CCDC73: variants seen among roughly 807,000 people sequenced by gnomAD.
The protein encoded by CCDC73 is coiled-coil domain-containing protein 73.
Under a neutral mutation model 116.5 loss-of-function variants are expected in CCDC73, and 95 were observed. The ratio of observed to expected loss-of-function variants is 0.82; its 90% CI spans 0.69 to 0.97. CCDC73 has a LOEUF of 0.97. Among genes scored for constraint, CCDC73 ranks in the 50% least tolerant of loss-of-function variants. The pLI is 0.00. For missense variants in CCDC73, 1,066 were observed against 1,206.8 expected (o/e 0.88, Z 1.73); for synonymous variants, 398 against 401.3 (o/e 0.99, Z 0.10).
At position 32,698,010 on chromosome 11, in the gene CCDC73, A is replaced by ATTTTTTTTTTTT. The variant is rs1849771437; in HGVS notation, c.390+1240_390+1241insAAAAAAAAAAAA. 3.4e-5 allele frequency among the ~76,000 whole-genome samples: 4 copies of ATTTTTTTTTTTT among 117,758 alleles called. 2 individuals carry two copies. Among genetic ancestry groups the ATTTTTTTTTTTT allele is most frequent in the African/African-American group, 6.7e-5 (2 of 29,924 alleles). The allele number at this position is 117,758 out of a possible 152,430, so 77.3% of individuals were successfully genotyped here. A position where few individuals can be genotyped will look rare whatever the true frequency, so the allele number is the denominator to read the frequency against. ...TCTGTTGTTTCTTTGTCTAACACTG[A>ATTTTTTTTTTTT]ATTTTTTTTTTTTTTTTTTTTTTTT... is the stretch of plus-strand genomic sequence containing the variant. On this transcript the variant is annotated intron_variant, in intron 6 of 17. Coordinates refer to ENST00000335185, the MANE Select transcript of CCDC73 (RefSeq NM_001008391.4).
At chr11:32,700,894 G>C (rs1041568990) in intron 4 of CCDC73, 68 bp from the exon 5 acceptor site, 4 of 636,374 alleles carry the variant, frequency 6.3e-6, no homozygotes, top group African/African-American at 5.7e-5. Context: ...TGGTCACTGA[G>C]ACTAAAGAAA....
chr11:32,676,962 G>A (rs1181496028), intron 7 of CCDC73, among the ~76,000 whole-genome samples: 2 of 152,176 alleles, frequency 1.3e-5, no homozygotes, highest in Non-Finnish European at 2.9e-5. Context: ...CCATACCTGC[G>A]ATATGACTTT....
Position 32,614,093 on chromosome 11 carries a change from C to T in CCDC73, c.2225G>A (p.Ser742Asn). 6.2e-7 allele frequency: 1 copy of T among 1,613,490 alleles called. No homozygotes were observed. Among genetic ancestry groups the T allele is most frequent in the Non-Finnish European group, 8.5e-7 (1 of 1,179,888 alleles). ...TTTACACATAGTTTTTCCCCCAGGG[C>T]TTGAGTTAGGTTTCACCAACATAGA... The part of the protein sequence containing the change: ...SMSMLVKPNS[S>N]PGGKTMCKNM... Residue 742 changes from serine (S) to asparagine (N), a missense_variant, in exon 16 of 18, where the codon AGC becomes AAC. Coordinates refer to ENST00000335185, the MANE Select transcript of CCDC73 (RefSeq NM_001008391.4).
intron 4 of CCDC73, among the ~76,000 whole-genome samples, chr11:32,701,363 A>G (rs1849808979): frequency 6.6e-6 from 1 of 152,022 alleles, no homozygotes; most frequent in Non-Finnish European, 1.5e-5. Flanking sequence ...AATTTTTTTA[A>G]CTCATGTGCA....
intron 14 of CCDC73, among the ~76,000 whole-genome samples, chr11:32,633,195 C>G (rs1855647395): frequency 6.6e-6 from 1 of 152,122 alleles, no homozygotes; most frequent in African/African-American, 2.4e-5. Context: ...GCCACTGCAC[C>G]TGGCCCAAAA....
the CCDC73 span, among the ~76,000 whole-genome samples, chr11:32,809,918 G>A: frequency 6.6e-6 from 1 of 152,128 alleles, no homozygotes; most frequent in Non-Finnish European, 1.5e-5. Context: ...ATTTTAATTA[G>A]GGAAATTATA....
intron 1 of CCDC73, among the ~76,000 whole-genome samples, chr11:32,764,006 G>A (rs986076581): frequency 6.6e-6 from 1 of 152,102 alleles, no homozygotes; most frequent in African/African-American, 2.4e-5. Context: ...TGAAACAAAG[G>A]GTATCAGTGA....
chr11:32,707,844 T>C (rs1190844344), intron 3 of CCDC73, among the ~76,000 whole-genome samples: 1 of 152,154 alleles, frequency 6.6e-6, no homozygotes, highest in Non-Finnish European at 1.5e-5. Context: ...AGACAACAGG[T>C]TCCAAACATT....
chr11:32,699,103 G>C, intron 6 of CCDC73, 148 bp downstream of exon 6: 2 of 845,202 alleles, frequency 2.4e-6, no homozygotes, highest in Non-Finnish European at 3.0e-6. Context: ...TTTAAAACAA[G>C]GCTCTCAGGA....
At chr11:32,724,401 G>T (rs555987307) in intron 2 of CCDC73, among the ~76,000 whole-genome samples, 2 of 152,112 alleles carry the variant, frequency 1.3e-5, no homozygotes, top group Non-Finnish European at 2.9e-5. Flanking sequence ...CATGGCATGT[G>T]ATGCCCATTA....
At chr11:32,709,994 G>C (rs1849885489) in intron 3 of CCDC73, among the ~76,000 whole-genome samples, 1 of 152,088 alleles carries the variant, frequency 6.6e-6, no homozygotes, top group African/African-American at 2.4e-5. Flanking sequence ...TGCACATAAA[G>C]GTGTTCATAG....
At chr11:32,796,634 C>A (rs149265379), upstream of CCDC73, among the ~76,000 whole-genome samples, 65 of 152,262 alleles carry the variant, frequency 4.3e-4, no homozygotes, top group African/African-American at 1.6e-3. Flanking sequence ...GAAACTTAAT[C>A]TCCAAAGCAA....
the CCDC73 span, among the ~76,000 whole-genome samples, chr11:32,818,397 T>C: frequency 6.6e-6 from 1 of 152,234 alleles, no homozygotes; most frequent in African/African-American, 2.4e-5. Flanking sequence ...ATGGGCATAA[T>C]AATCGGGTCT....
intron 9 of CCDC73, among the ~76,000 whole-genome samples, chr11:32,656,737 C>T (rs551730719): frequency 2.6e-5 from 4 of 152,216 alleles, no homozygotes; most frequent in East Asian, 1.9e-4. Context: ...TTTTCAAGTC[C>T]GAGATAACCA....
chr11:32,647,052 A>G (rs1204480851), intron 12 of CCDC73, among the ~76,000 whole-genome samples: 1 of 152,010 alleles, frequency 6.6e-6, no homozygotes. Context: ...TTTTTTCATT[A>G]TCCTATTTGT....
intron 12 of CCDC73, among the ~76,000 whole-genome samples, chr11:32,646,533 C>A (rs1443417957): frequency 6.6e-6 from 1 of 152,220 alleles, no homozygotes; most frequent in African/African-American, 2.4e-5. Context: ...CATCTGAAGG[C>A]ATGGTTCTAT....
intron 9 of CCDC73, among the ~76,000 whole-genome samples, chr11:32,666,004 T>C (rs1344072334): frequency 6.6e-6 from 1 of 152,258 alleles, no homozygotes; most frequent in African/African-American, 2.4e-5. Context: ...CTCTTCTGGC[T>C]TGTAGTGTTT....
intron 1 of CCDC73, among the ~76,000 whole-genome samples, chr11:32,769,447 T>C (rs897219255): frequency 5.9e-5 from 9 of 152,156 alleles, no homozygotes; most frequent in Admixed American, 5.2e-4. Flanking sequence ...TTTGTTTATA[T>C]AGTGGCTGGA....
intron 1 of CCDC73, among the ~76,000 whole-genome samples, chr11:32,782,831 GA>G (rs1367564562): frequency 6.6e-6 from 1 of 151,954 alleles, no homozygotes; most frequent in East Asian, 1.9e-4. Flanking sequence ...TAGTGGAAAT[GA>G]AAAATCCAAT....
Sources: allele counts gnomAD v4.1 joint callset (sites outside exome capture counted in the v4.1 genomes callset), GRCh38; gene constraint gnomAD v4.1.1; transcripts MANE v1.5; gene names NCBI Gene and HGNC (gene_info 2026-07-23, HGNC 2026-07-21).